ZNRF3: variants seen among roughly 807,000 people sequenced by gnomAD.
ZNRF3 encodes E3 ubiquitin-protein ligase ZNRF3.
ZNRF3 carries 23 observed loss-of-function variants against 72.5 expected under a neutral mutation model. The ratio of observed to expected loss-of-function variants is 0.32; its 90% CI spans 0.23 to 0.45. The LOEUF is 0.45. Ranked by LOEUF, ZNRF3 falls within the 20% of genes least tolerant of loss-of-function variation. The probability of loss-of-function intolerance (pLI) is 1.00; values close to 1 mark genes in which losing one functional copy is unlikely to be tolerated. For synonymous variants in ZNRF3, 610 were observed against 545.3 expected (o/e 1.12, Z -1.65); for missense variants, 1,169 against 1,272.1 (o/e 0.92, Z 1.23).
intron 8 of ZNRF3, 35 bp downstream of exon 8, chr22:29,050,983 A>G (rs2037195738): frequency 6.7e-7 from 1 of 1,496,300 alleles, no homozygotes; most frequent in Admixed American, 2.3e-5. Context: ...TCAGAGCAGG[A>G]GTTTCCATCA....
intron 1 of ZNRF3, among the ~76,000 whole-genome samples, chr22:28,903,279 C>T (rs1250758576): frequency 1.3e-5 from 2 of 152,158 alleles, no homozygotes; most frequent in African/African-American, 4.8e-5. Context: ...CTCTTGACTC[C>T]AGTGTGTTTC....
At position 29,030,430 on chromosome 22, in the gene ZNRF3, C is replaced by T. The variant is rs908064571; in HGVS notation, c.427-12065C>T. Reference sequence around the variant, plus strand: ...GTAACACTATTTAAACTTAGGCAGCCTTAACCACTAACTTAACCGCTGAAT... The same window carrying T: ...GTAACACTATTTAAACTTAGGCAGCTTTAACCACTAACTTAACCGCTGAAT... On this transcript the variant is annotated intron_variant, in intron 2 of 8. Transcript: ENST00000544604. The surrounding 1 kb of genome is among the most constrained non-coding windows in gnomAD (Gnocchi z 4.2). Among the ~76,000 whole-genome samples the T allele has an allele frequency of 6.6e-6, 1 of 152,106 alleles. No homozygotes were observed. Among genetic ancestry groups the T allele is most frequent in the African/African-American group, 2.4e-5 (1 of 41,426 alleles).
chr22:28,948,162 T>A (rs2035088490), intron 1 of ZNRF3, among the ~76,000 whole-genome samples: 1 of 150,546 alleles, frequency 6.6e-6, no homozygotes. Context: ...GTTTTTTATT[T>A]AAAAAAAAAT....
At chr22:28,964,274 C>CA (rs2035419609) in intron 1 of ZNRF3, among the ~76,000 whole-genome samples, 2 of 152,106 alleles carry the variant, frequency 1.3e-5, no homozygotes, top group South Asian at 4.1e-4. Flanking sequence ...GTAAAAGACA[C>CA]AAAAAAGTAT....
At chr22:28,974,025 T>TC (rs1388571516) in intron 1 of ZNRF3, among the ~76,000 whole-genome samples, 2 of 146,978 alleles carry the variant, frequency 1.4e-5, no homozygotes, top group African/African-American at 2.5e-5. Flanking sequence ...TGGCGCGATC[T>TC]CGGCTCACTG....
At chr22:28,933,669 G>A (rs951013742) in intron 1 of ZNRF3, among the ~76,000 whole-genome samples, 3 of 151,220 alleles carry the variant, frequency 2.0e-5, no homozygotes, top group Admixed American at 1.3e-4. Flanking sequence ...TGGGTACAGA[G>A]AGTTTGCCTC....
At chr22:28,954,251 G>T (rs1158616771) in intron 1 of ZNRF3, among the ~76,000 whole-genome samples, 1 of 152,148 alleles carries the variant, frequency 6.6e-6, no homozygotes, top group African/African-American at 2.4e-5. Flanking sequence ...CTGAGATCAG[G>T]GTGCCAGCAT....
At chr22:28,884,349 G>C (rs1386776267) in intron 1 of ZNRF3, among the ~76,000 whole-genome samples, 1 of 152,210 alleles carries the variant, frequency 6.6e-6, no homozygotes, top group Non-Finnish European at 1.5e-5. Flanking sequence ...CCCCTTGGCC[G>C]GTTGGGTATT....
chr22:29,027,111 T>TA (rs1251484503), intron 2 of ZNRF3: 1 of 152,178 alleles, frequency 6.6e-6, no homozygotes, highest in Non-Finnish European at 1.5e-5. Context: ...GGTCTGTGGT[T>TA]ACGCATCTTG....
rs772809750 is a variant in ZNRF3, at chr22:29,049,708, C to A, written c.1527C>A (p.Phe509Leu). The A allele has an allele frequency of 1.2e-6, 2 of 1,605,002 alleles. No individual in the cohort carries two copies. The change falls in exon 8 of 9, where the codon TTC becomes TTA. Residue 509 changes from phenylalanine to leucine, a missense_variant. Phe to Leu is a conservative substitution (Grantham distance 22). Around this residue, in one of 2 missense-constraint regions of ZNRF3, gnomAD observed 783 missense variants for 731.4 expected, o/e 1.07. Transcript: ENST00000544604. This position sits in a 1 kb window ranked among gnomAD's most constrained non-coding sequence, Gnocchi z 5.2. ...CGAGCGGCAGTGGCAGCCTGCTCTTCCCCACCGTGGTGCACGTGGCCCCGC... is the reference window on the plus strand; with the variant it reads ...CGAGCGGCAGTGGCAGCCTGCTCTTACCCACCGTGGTGCACGTGGCCCCGC... ...FPPSGSGSLLFPTVVHVAPPS... is the reference protein window; with the variant it reads ...FPPSGSGSLLLPTVVHVAPPS...
chr22:29,052,746 GGAGGATCACTT>G (rs1052691195), intron 8 of ZNRF3, among the ~76,000 whole-genome samples: 1 of 151,520 alleles, frequency 6.6e-6, no homozygotes, highest in Non-Finnish European at 1.5e-5. Flanking sequence ...GGCCAAGGCA[GGAGGATCACTT>G]GAGGCCAGGA....
At chr22:29,033,923 C>G (rs2036815564) in intron 2 of ZNRF3, among the ~76,000 whole-genome samples, 1 of 152,198 alleles carries the variant, frequency 6.6e-6, no homozygotes, top group Non-Finnish European at 1.5e-5. Context: ...CTGCGAATAG[C>G]TGCAGAAGTA....
In ZNRF3 at chr22:29,053,907, T is replaced by C. The variant is rs1019787283; in HGVS notation, c.*285T>C. 7.2e-6 allele frequency: 2 copies of C among 277,782 alleles called. No individual in the cohort carries two copies. Among genetic ancestry groups the C allele is most frequent in the East Asian group, 6.4e-5 (1 of 15,556 alleles). The allele number at this position is 277,782 out of a possible 1,614,324, so 17.2% of individuals were successfully genotyped here. The stretch of plus-strand genomic sequence containing the variant: ...GTGCTTGGGGTTCCGAGGTGTGGGA[T>C]TGAGTTCTCTGCTTTGTTTTTTTTT... On this transcript the variant is annotated 3_prime_UTR_variant, in exon 9 of 9. Transcript: ENST00000544604.
At chr22:28,936,789 C>A (rs1226178140) in intron 1 of ZNRF3, among the ~76,000 whole-genome samples, 1 of 152,156 alleles carries the variant, frequency 6.6e-6, no homozygotes, top group African/African-American at 2.4e-5. Context: ...AGTCCCTCGA[C>A]TGCCTCTGAG....
intron 2 of ZNRF3, among the ~76,000 whole-genome samples, chr22:29,008,356 G>A (rs918893565): frequency 6.6e-5 from 10 of 152,280 alleles, no homozygotes; most frequent in African/African-American, 2.4e-4. Context: ...CTCCCTGAGG[G>A]TGATGGTTTC....
At chr22:28,916,681 G>T (rs2123764788) in intron 1 of ZNRF3, among the ~76,000 whole-genome samples, 1 of 152,292 alleles carries the variant, frequency 6.6e-6, no homozygotes, top group East Asian at 1.9e-4. Context: ...GCATCCTGTT[G>T]TGTCTTTGGT....
At chr22:29,031,593 A>G (rs1299018782) in intron 2 of ZNRF3, 2 of 985,672 alleles carry the variant, frequency 2.0e-6, no homozygotes, top group Non-Finnish European at 2.4e-6. Flanking sequence ...GTCACTACTA[A>G]GTGAAGAACT....
rs1162608502 is a variant in ZNRF3, at chr22:29,049,731, C to T, written c.1550C>T (p.Pro517Leu). 6 of 1,597,728 alleles carry T rather than the reference C, an allele frequency of 3.8e-6. No individual in the cohort carries two copies. The Admixed American group carries it at 5.1e-5, about 13-fold the overall frequency. ...TTCCCCACCGTGGTGCACGTGGCCCCGCCCTCCCACCTGGAGAGCGGCAGC... is the reference window on the plus strand; with the variant it reads ...TTCCCCACCGTGGTGCACGTGGCCCTGCCCTCCCACCTGGAGAGCGGCAGC... Reference protein sequence around the residue: ...LLFPTVVHVAPPSHLESGSTS... With the variant: ...LLFPTVVHVALPSHLESGSTS... The change falls in exon 8 of 9, where the codon CCG (proline) becomes CTG (leucine). Residue 517 changes from proline (P) to leucine (L), a missense_variant. By Grantham distance (98) the Pro-to-Leu change is moderately conservative. Coordinates refer to ENST00000544604, the MANE Select transcript of ZNRF3 (RefSeq NM_001206998.2). This position sits in a 1 kb window ranked among gnomAD's most constrained non-coding sequence, Gnocchi z 5.2.
At chr22:28,955,539 T>C (rs1308400146) in intron 1 of ZNRF3, among the ~76,000 whole-genome samples, 2 of 152,144 alleles carry the variant, frequency 1.3e-5, no homozygotes, top group Non-Finnish European at 2.9e-5. Flanking sequence ...TGTATAGTTT[T>C]TGGATCATGT....
Sources: allele counts gnomAD v4.1 joint callset (sites outside exome capture counted in the v4.1 genomes callset), GRCh38; gene constraint gnomAD v4.1.1; regional missense constraint gnomAD v4.1.1; non-coding constraint Gnocchi (gnomAD v3.1); transcripts MANE v1.5; gene names NCBI Gene and HGNC (gene_info 2026-07-23, HGNC 2026-07-21).